Variants in TRIM67 observed in about 807,000 individuals in gnomAD.
TRIM67 encodes the protein tripartite motif containing 67.
Under a neutral mutation model 71.0 loss-of-function variants are expected in TRIM67, and 39 were observed. The observed-to-expected ratio is 0.55, with a 90% CI of 0.43 to 0.72. The LOEUF is 0.72. TRIM67 is among the 30% of genes least tolerant of loss of function. The probability of loss-of-function intolerance (pLI) is 0.00; values close to 1 mark genes in which losing one functional copy is unlikely to be tolerated. For synonymous variants in TRIM67, 481 were observed against 473.9 expected (o/e 1.01, Z -0.19); for missense variants, 973 against 1,079.2 (o/e 0.90, Z 1.38).
chr1:231,164,136 C>T, intron 1 of TRIM67, 123 bp downstream of exon 1: 1 of 1,203,258 alleles, frequency 8.3e-7, no homozygotes, highest in South Asian at 2.4e-5. Context: ...AATTACCTCA[C>T]TCATTAGCCA....
chr1:231,186,687 T>C (rs556729213), intron 1 of TRIM67, among the ~76,000 whole-genome samples: 9 of 152,284 alleles, frequency 5.9e-5, no homozygotes, highest in African/African-American at 2.2e-4. Context: ...GAATCATCTC[T>C]TCAAGTACAG....
At position 231,217,982 on chromosome 1, in the gene TRIM67, A is replaced by G. The variant is rs530136238; in HGVS notation, c.*2542A>G. 4 of 1,231,428 alleles carry G rather than the reference A, an allele frequency of 3.2e-6. No individual in the cohort carries two copies. The Admixed American group carries it at 1.1e-4, about 35-fold the overall frequency. 76.3% of individuals were successfully genotyped at this position (1,231,428 alleles called of 1,614,324 possible). Reference sequence around the variant, plus strand: ...GGATTCTCCCTTTTCTGACTCCTCCAGGAGCCCAGAAGCAATACGGCCGAT... The same window carrying G: ...GGATTCTCCCTTTTCTGACTCCTCCGGGAGCCCAGAAGCAATACGGCCGAT... On this transcript the variant is annotated 3_prime_UTR_variant, in exon 10 of 10. Transcript: ENST00000366653.
chr1:231,187,509 A>T, intron 1 of TRIM67: 1 of 1,517,500 alleles, frequency 6.6e-7, no homozygotes, highest in Non-Finnish European at 8.8e-7. Context: ...AAAAAAAAAA[A>T]ACAATACCTT....
At chr1:231,200,319 A>C in intron 4 of TRIM67, 61 bp downstream of exon 4, 3 of 1,109,846 alleles carry the variant, frequency 2.7e-6, no homozygotes, top group Non-Finnish European at 4.1e-6. Flanking sequence ...TGTTCCCCAA[A>C]TCAGCCCAAG....
chr1:231,194,855 A>T (rs186716801), intron 1 of TRIM67, among the ~76,000 whole-genome samples: 2 of 152,116 alleles, frequency 1.3e-5, no homozygotes, highest in East Asian at 3.9e-4. Flanking sequence ...GCTAATTTTT[A>T]AAATTTTTTT....
intron 1 of TRIM67, among the ~76,000 whole-genome samples, chr1:231,193,963 T>C (rs1683303066): frequency 6.6e-6 from 1 of 152,148 alleles, no homozygotes; most frequent in African/African-American, 2.4e-5. Flanking sequence ...AATTTCAACA[T>C]GAGATTTAAT....
At chr1:231,180,453 G>A (rs772740438) in intron 1 of TRIM67, among the ~76,000 whole-genome samples, 43 of 152,028 alleles carry the variant, frequency 2.8e-4, no homozygotes, top group Non-Finnish European at 5.6e-4. Flanking sequence ...CTGTCTTTAA[G>A]AACAACTTCA....
intron 1 of TRIM67, among the ~76,000 whole-genome samples, chr1:231,189,579 A>T (rs1165296300): frequency 6.6e-6 from 1 of 152,128 alleles, no homozygotes; most frequent in Non-Finnish European, 1.5e-5. Context: ...AACAAAAGGA[A>T]TGTACTTCTC....
Position 231,166,485 on chromosome 1 carries a change from C to G in TRIM67, c.1044+2472C>G, listed in dbSNP as rs374930317. On this transcript the variant is annotated intron_variant, in intron 1 of 9. Transcript: ENST00000366653. ...CTTTTGAAAGACAAACTAGAACCCT[C>G]CATTAAGACTCCCACTGTTGGCAAT... 2.0e-5 allele frequency among the ~76,000 whole-genome samples: 3 copies of G among 152,284 alleles called. No homozygotes were observed. In the South Asian group the frequency reaches 6.2e-4, roughly 32 times the overall value.
chr1:231,219,040 G>A lies in TRIM67; in HGVS notation c.*3600G>A. 7.1e-6 allele frequency: 7 copies of A among 985,494 alleles called. No individual in the cohort carries two copies. Among genetic ancestry groups the A allele is most frequent in the Non-Finnish European group, 8.4e-6 (7 of 829,996 alleles). The allele number at this position is 985,494 out of a possible 1,614,324, so 61.0% of individuals were successfully genotyped here. ...GGCGGGTTTCGGCACCGGTGGGCAG[G>A]TGGTTCAGTGTCAAGGAGGCTGCTG... On this transcript the variant is annotated 3_prime_UTR_variant, in exon 10 of 10. Coordinates refer to ENST00000366653, the MANE Select transcript of TRIM67 (RefSeq NM_001004342.5).
intron 1 of TRIM67, among the ~76,000 whole-genome samples, chr1:231,169,631 G>A (rs909159200): frequency 3.3e-5 from 5 of 151,156 alleles, no homozygotes; most frequent in Non-Finnish European, 1.5e-5. Context: ...CACCTGCCTC[G>A]GCCTCCCAAA....
At chr1:231,214,041 C>T (rs942018620) in intron 9 of TRIM67, 64 bp downstream of exon 9, 14 of 1,507,170 alleles carry the variant, frequency 9.3e-6, no homozygotes, top group South Asian at 1.3e-5. Flanking sequence ...CAGGTCTCTG[C>T]AGTGCCCTTG....
At position 231,217,974 on chromosome 1, in the gene TRIM67, A is replaced by C. The variant is rs1571909678; in HGVS notation, c.*2534A>C. The C allele has an allele frequency of 1.6e-6, 2 of 1,233,550 alleles. No individual in the cohort carries two copies. The highest frequency in any genetic ancestry group is 2.1e-6 in the Non-Finnish European group (2 of 962,332). 76.4% of individuals were successfully genotyped at this position (1,233,550 alleles called of 1,614,324 possible). On this transcript the variant is annotated 3_prime_UTR_variant, in exon 10 of 10. Coordinates refer to ENST00000366653, the MANE Select transcript of TRIM67 (RefSeq NM_001004342.5). ...GGGGGCTGGGATTCTCCCTTTTCTG[A>C]CTCCTCCAGGAGCCCAGAAGCAATA...
intron 1 of TRIM67, chr1:231,187,591 T>A (rs1009488992): frequency 6.6e-7 from 1 of 1,525,584 alleles, no homozygotes. Flanking sequence ...TTGTGCCCAA[T>A]GATGGTGTGA....
Position 231,163,578 on chromosome 1 carries a change from G to A in TRIM67, c.609G>A (p.Ala203=), listed in dbSNP as rs1466797216. The change falls in exon 1 of 10, where the codon GCG becomes GCA. Residue 203 remains alanine (A), a synonymous_variant. Transcript: ENST00000366653. ...CCGTGCCGGGGACGTCTGCAGCCGC[G>A]GCGGTGGCCATCTGCCAGCTGTGCG... is the stretch of plus-strand genomic sequence containing the variant. ...RGAVPGTSAA[A]AVAICQLCDR... is the part of the protein sequence containing the mutation. The A allele has an allele frequency of 1.5e-5, 22 of 1,515,094 alleles. No individual in the cohort carries two copies. The highest frequency in any genetic ancestry group is 1.9e-5 in the Non-Finnish European group (22 of 1,136,960). 93.9% of individuals were successfully genotyped at this position (1,515,094 alleles called of 1,614,324 possible). A position where few individuals can be genotyped will look rare whatever the true frequency, so the allele number is the denominator to read the frequency against.
chr1:231,177,082 C>A (rs1460050709), intron 1 of TRIM67, among the ~76,000 whole-genome samples: 1 of 152,066 alleles, frequency 6.6e-6, no homozygotes, highest in African/African-American at 2.4e-5. Context: ...TGATTTTGGT[C>A]ATTTAAATGG....
At chr1:231,215,312 C>T in intron 9 of TRIM67, 63 bp from the exon 10 acceptor site, 1 of 1,573,100 alleles carries the variant, frequency 6.4e-7, no homozygotes, top group African/African-American at 1.3e-5. Flanking sequence ...GCGGTGCTGT[C>T]AGAGCCCTCA....
At chr1:231,177,969 C>G (rs1441156260) in intron 1 of TRIM67, among the ~76,000 whole-genome samples, 3 of 152,076 alleles carry the variant, frequency 2.0e-5, no homozygotes, top group African/African-American at 7.2e-5. Context: ...TCCCTATGAA[C>G]TATTTGTTGA....
In TRIM67 at chr1:231,219,310, G is replaced by A; in HGVS notation, c.*3870G>A. ...TTAGGTGTGACAACCAAAAGTATCT[G>A]TCGACATTGCTAGGTATCTCCTGGG... On this transcript the variant is annotated 3_prime_UTR_variant, in exon 10 of 10. Coordinates refer to ENST00000366653, the MANE Select transcript of TRIM67 (RefSeq NM_001004342.5). The A allele has an allele frequency of 4.1e-6, 4 of 983,798 alleles. No individual in the cohort carries two copies. The highest frequency in any genetic ancestry group is 1.7e-5 in the African/African-American group (1 of 57,274). 60.9% of individuals were successfully genotyped at this position (983,798 alleles called of 1,614,324 possible). A position where few individuals can be genotyped will look rare whatever the true frequency, so the allele number is the denominator to read the frequency against.
Sources: gnomAD v4.1 joint callset for allele counts (sites outside exome capture counted in the v4.1 genomes callset) on GRCh38, gnomAD v4.1.1 for gene constraint, MANE v1.5 for transcripts, NCBI Gene and HGNC (gene_info 2026-07-23, HGNC 2026-07-21) for gene names.